MBD2: variants seen among roughly 807,000 people sequenced by gnomAD.
The protein encoded by MBD2 is methyl-CpG binding domain protein 2.
Under a neutral mutation model 39.3 loss-of-function variants are expected in MBD2, and 9 were observed. That is an observed-to-expected ratio of 0.23 (90% CI 0.14 to 0.40). The LOEUF (loss-of-function observed/expected upper bound fraction) is 0.40. Ranked by LOEUF, MBD2 falls within the 10% of genes least tolerant of loss-of-function variation. MBD2 has a pLI of 1.00. For missense variants in MBD2, 458 were observed against 532.6 expected (o/e 0.86, Z 1.38); for synonymous variants, 233 against 211.1 (o/e 1.10, Z -0.90).
chr18:54,215,791 GC>G (rs917610289), intron 1 of MBD2, among the ~76,000 whole-genome samples: 1 of 151,036 alleles, frequency 6.6e-6, no homozygotes, highest in African/African-American at 2.4e-5. Flanking sequence ...ACCAAGCCCG[GC>G]CTTTTTTTTT....
chr18:54,173,525 G>A (rs750639907), intron 3 of MBD2, among the ~76,000 whole-genome samples: 10 of 152,218 alleles, frequency 6.6e-5, no homozygotes, highest in Admixed American at 2.0e-4. Context: ...GCAGCAGTAC[G>A]TAAGGAAAGG....
chr18:54,180,820 T>A (rs1202827742), intron 3 of MBD2, among the ~76,000 whole-genome samples: 2 of 151,902 alleles, frequency 1.3e-5, no homozygotes, highest in Non-Finnish European at 2.9e-5. Flanking sequence ...ACAGTTGTCA[T>A]GTTTTTAAAA....
intron 2 of MBD2, among the ~76,000 whole-genome samples, chr18:54,198,773 G>T (rs140624775): frequency 1.4e-3 from 209 of 152,288 alleles, no homozygotes; most frequent in Admixed American, 2.5e-3. Context: ...TCTTTCTGAG[G>T]CATGGTCGCC....
chr18:54,219,101 G>A (rs987783951), intron 1 of MBD2, among the ~76,000 whole-genome samples: 3 of 152,070 alleles, frequency 2.0e-5, no homozygotes, highest in Admixed American at 6.6e-5. Flanking sequence ...TACTATACCC[G>A]ATGTTACACA....
chr18:54,194,442 G>A (rs796206487), intron 2 of MBD2, among the ~76,000 whole-genome samples: 2 of 151,754 alleles, frequency 1.3e-5, no homozygotes, highest in African/African-American at 2.4e-5. Context: ...AAAGCTCTTA[G>A]TGATAAAACA....
At chr18:54,155,432 G>T (rs1035310852) in intron 6 of MBD2, 121 bp from the exon 7 acceptor site, 1 of 152,016 alleles carries the variant, frequency 6.6e-6, no homozygotes, top group African/African-American at 2.4e-5. Flanking sequence ...TGCTTTTACA[G>T]CCTTGATGAA....
intron 2 of MBD2, among the ~76,000 whole-genome samples, chr18:54,190,368 T>C (rs932619673): frequency 1.3e-5 from 2 of 152,140 alleles, no homozygotes; most frequent in African/African-American, 4.8e-5. Flanking sequence ...CAGTGATAAG[T>C]GCACTTTAGG....
At chr18:54,170,886 G>C (rs1358888312) in intron 3 of MBD2, among the ~76,000 whole-genome samples, 5 of 152,128 alleles carry the variant, frequency 3.3e-5, no homozygotes, top group Admixed American at 1.3e-4. Flanking sequence ...AAATTGTATG[G>C]GCAAGGAGGT....
At chr18:54,222,398 C>T (rs1239214357) in intron 1 of MBD2, 2 of 513,494 alleles carry the variant, frequency 3.9e-6, no homozygotes, top group South Asian at 1.4e-5. Flanking sequence ...GAGGGAGGAC[C>T]TGTGAAAGTG....
intron 3 of MBD2, among the ~76,000 whole-genome samples, chr18:54,172,370 A>G (rs1362112541): frequency 2.0e-5 from 3 of 152,170 alleles, no homozygotes; most frequent in Non-Finnish European, 4.4e-5. Flanking sequence ...AATTAAAGAG[A>G]CCCCACTCCA....
intron 1 of MBD2, among the ~76,000 whole-genome samples, chr18:54,219,810 T>C (rs1050474051): frequency 2.6e-5 from 4 of 152,262 alleles, no homozygotes; most frequent in Admixed American, 1.3e-4. Context: ...CACACACATA[T>C]GTATATTTGA....
In MBD2 at chr18:54,224,097, G is replaced by C; in HGVS notation, c.463C>G (p.Leu155Val). ...ESGKRMDCPA[L>V]PPGWKKEEVI... ...TCCTCCTTCTTCCATCCGGGGGGGAGGGCCGGGCAATCCATCCTCTTCCCG... is the reference window on the plus strand; with the variant it reads ...TCCTCCTTCTTCCATCCGGGGGGGACGGCCGGGCAATCCATCCTCTTCCCG... Residue 155 changes from leucine (L) to valine (V), a missense_variant, in exon 1 of 7, where the codon CTC (leucine) becomes GTC (valine). By Grantham distance (32) the Leu-to-Val change is conservative. Around this residue, in one of 2 missense-constraint regions of MBD2, gnomAD observed 269 missense variants for 236.0 expected, o/e 1.14. Transcript: ENST00000256429. 6.3e-7 allele frequency: 1 copy of C among 1,592,708 alleles called. No homozygotes were observed. Among genetic ancestry groups the C allele is most frequent in the Non-Finnish European group, 8.5e-7 (1 of 1,173,508 alleles).
intron 3 of MBD2, among the ~76,000 whole-genome samples, chr18:54,179,390 T>C (rs2086233667): frequency 6.6e-6 from 1 of 152,136 alleles, no homozygotes; most frequent in Non-Finnish European, 1.5e-5. Context: ...ATACTAAAGC[T>C]TGAGAAGCAA....
rs188271450 is a variant in MBD2, at chr18:54,167,449, A to G, written c.841-1283T>C. On this transcript the variant is annotated intron_variant, in intron 3 of 6. Transcript: ENST00000256429. ...GCAACAATGGCTATCACAAAAGATT[A>G]CTGTGGGAGTTAAATAAGGCAATAT... Among the ~76,000 whole-genome samples the G allele has an allele frequency of 1.3e-3, 201 of 152,340 alleles. 1 individual carries two copies. The highest frequency in any genetic ancestry group is 3.9e-3 in the African/African-American group (162 of 41,576).
chr18:54,216,460 C>A (rs1311611727), intron 1 of MBD2, among the ~76,000 whole-genome samples: 2 of 152,152 alleles, frequency 1.3e-5, no homozygotes, highest in East Asian at 3.8e-4. Context: ...AGGGACTATG[C>A]TGGATACTGA....
chr18:54,201,079 C>CA (rs11293678), intron 2 of MBD2, among the ~76,000 whole-genome samples: 4,906 of 94,964 alleles, frequency 0.052, 140 homozygotes, highest in African/African-American at 0.11. Flanking sequence ...GACCCCGTCT[C>CA]AAAAAAAAAA....
chr18:54,199,733 C>G (rs1341296962), intron 2 of MBD2, among the ~76,000 whole-genome samples: 1 of 152,124 alleles, frequency 6.6e-6, no homozygotes, highest in Non-Finnish European at 1.5e-5. Context: ...TCGAGTCTCA[C>G]CTTTCCATAC....
intron 2 of MBD2, among the ~76,000 whole-genome samples, chr18:54,197,983 TA>T (rs1204349968): frequency 2.6e-5 from 4 of 152,184 alleles, no homozygotes; most frequent in Admixed American, 6.5e-5. Context: ...AAGACTTTAA[TA>T]ACTGACAAAA....
intron 3 of MBD2, among the ~76,000 whole-genome samples, chr18:54,169,057 C>A (rs1203807970): frequency 6.6e-6 from 1 of 152,046 alleles, no homozygotes; most frequent in African/African-American, 2.4e-5. Flanking sequence ...TCCTATGATA[C>A]CCAGAAAAGG....
Sources: gnomAD v4.1 joint callset for allele counts (sites outside exome capture counted in the v4.1 genomes callset) on GRCh38, gnomAD v4.1.1 for gene constraint, gnomAD v4.1.1 regional missense constraint, MANE v1.5 for transcripts, NCBI Gene and HGNC (gene_info 2026-07-23, HGNC 2026-07-21) for gene names.